CDK19: variants seen among roughly 807,000 people sequenced by gnomAD.
CDK19 encodes cyclin dependent kinase 19, also known as cyclin-dependent kinase 19.
In CDK19, 20 loss-of-function variants were observed where a neutral mutation model predicts 68.3. The ratio of observed to expected loss-of-function variants is 0.29; its 90% CI spans 0.21 to 0.43. CDK19 has a LOEUF of 0.43. Among genes scored for constraint, CDK19 ranks in the 20% least tolerant of loss-of-function variants. The probability of loss-of-function intolerance (pLI) is 1.00; values close to 1 mark genes in which losing one functional copy is unlikely to be tolerated. For synonymous variants in CDK19, 221 were observed against 222.8 expected, an observed-to-expected ratio of 0.99 and a Z score of 0.07; for missense variants, 339 against 623.5, an observed-to-expected ratio of 0.54 and a Z score of 4.86.
chr6:110,670,178 A>G (rs1770876954), intron 3 of CDK19, among the ~76,000 whole-genome samples: 2 of 148,056 alleles, frequency 1.4e-5, no homozygotes. Context: ...CCCCCGGGCC[A>G]AAAAAAGTAT....
At chr6:110,665,338 G>A (rs1184810680) in intron 4 of CDK19, among the ~76,000 whole-genome samples, 1 of 152,166 alleles carries the variant, frequency 6.6e-6, no homozygotes, top group African/African-American at 2.4e-5. Flanking sequence ...TCTGAATGTG[G>A]AGTGCAAAGA....
chr6:110,741,482 AT>A (rs1182483876), intron 2 of CDK19, among the ~76,000 whole-genome samples: 3 of 151,416 alleles, frequency 2.0e-5, no homozygotes, highest in Non-Finnish European at 2.9e-5. Flanking sequence ...AATAAAATAA[AT>A]TAAAAAAAAA....
In CDK19 at chr6:110,622,159, C is replaced by G; in HGVS notation, c.1039G>C (p.Ala347Pro). 1 of 1,602,502 alleles carries G rather than the reference C, an allele frequency of 6.2e-7. No homozygotes were observed. The highest frequency in any genetic ancestry group is 8.5e-7 in the Non-Finnish European group (1 of 1,171,300). The stretch of plus-strand genomic sequence containing the variant: ...TTGGGGTATGGAATCTGGCAGCCGG[C>G]AAATACACTAAAAATCATTAAAAAG... ...EDPLPTLDVF[A>P]GCQIPYPKRE... The change falls in exon 11 of 13, where the codon GCC (alanine) becomes CCC (proline). Residue 347 changes from alanine to proline, a missense_variant. Physicochemically the swap from Ala to Pro is conservative, Grantham distance 27. Coordinates refer to ENST00000368911, the MANE Select transcript of CDK19 (RefSeq NM_015076.5).
rs914320393 is a variant in CDK19, at chr6:110,612,780, T to C, written c.*1755A>G. Reference sequence around the variant, plus strand: ...CCTTCCAATGGAGCACGTAACCTGCTTCATCTTCAGTCTTGATGAGTGTCA... The same window carrying C: ...CCTTCCAATGGAGCACGTAACCTGCCTCATCTTCAGTCTTGATGAGTGTCA... On this transcript the variant is annotated 3_prime_UTR_variant, in exon 13 of 13. Transcript: ENST00000368911. 3.9e-5 allele frequency: 6 copies of C among 152,666 alleles called. No homozygotes were observed. Among genetic ancestry groups the C allele is most frequent in the African/African-American group, 1.4e-4 (6 of 41,462 alleles). 9.5% of individuals were successfully genotyped at this position (152,666 alleles called of 1,614,324 possible).
chr6:110,785,007 T>G (rs1781098300), intron 1 of CDK19, among the ~76,000 whole-genome samples: 1 of 149,932 alleles, frequency 6.7e-6, no homozygotes, highest in Non-Finnish European at 1.5e-5. Flanking sequence ...GGTGATGAAA[T>G]GTTCTAAAAT....
Position 110,614,224 on chromosome 6 carries a change from G to A in CDK19, c.*311C>T, listed in dbSNP as rs1021543653. ...TAGTGATTGCTACAGCATGAGAAAG[G>A]TGCACCAGGAAATCCTTCAAAGAAA... On this transcript the variant is annotated 3_prime_UTR_variant, in exon 13 of 13. Transcript: ENST00000368911. The A allele has an allele frequency of 5.2e-5, 12 of 231,506 alleles. No individual in the cohort carries two copies. Among genetic ancestry groups the A allele is most frequent in the Non-Finnish European group, 9.4e-5 (11 of 117,444 alleles). 14.3% of individuals were successfully genotyped at this position (231,506 alleles called of 1,614,324 possible).
intron 4 of CDK19, among the ~76,000 whole-genome samples, chr6:110,650,377 T>C (rs889856030): frequency 6.6e-6 from 1 of 152,132 alleles, no homozygotes; most frequent in Admixed American, 6.5e-5. Context: ...GGTTCTCTTA[T>C]GCATGCTACT....
chr6:110,707,937 A>G (rs1774645512), intron 2 of CDK19, among the ~76,000 whole-genome samples: 1 of 152,120 alleles, frequency 6.6e-6, no homozygotes, highest in Non-Finnish European at 1.5e-5. Context: ...ATGCCACTGC[A>G]CTCCAGCCTG....
At chr6:110,724,865 T>G (rs1308346664) in intron 2 of CDK19, among the ~76,000 whole-genome samples, 1 of 151,926 alleles carries the variant, frequency 6.6e-6, no homozygotes, top group Admixed American at 6.6e-5. Flanking sequence ...AACACCTAGG[T>G]GGAAAATGAA....
chr6:110,687,585 G>A (rs1023117831), intron 2 of CDK19, among the ~76,000 whole-genome samples: 1 of 152,164 alleles, frequency 6.6e-6, no homozygotes, highest in Non-Finnish European at 1.5e-5. Flanking sequence ...AACTGGGTAC[G>A]TGTTATGAGA....
At chr6:110,766,048 A>G (rs1046892999) in intron 1 of CDK19, among the ~76,000 whole-genome samples, 4 of 152,226 alleles carry the variant, frequency 2.6e-5, no homozygotes, top group Admixed American at 1.3e-4. Context: ...AACATTCCTC[A>G]AAAAACTGAA....
At chr6:110,629,321 T>G (rs1263938771) in intron 6 of CDK19, among the ~76,000 whole-genome samples, 1 of 152,182 alleles carries the variant, frequency 6.6e-6, no homozygotes, top group East Asian at 1.9e-4. Flanking sequence ...GTTTCTTTCC[T>G]CTATCAATGA....
intron 4 of CDK19, chr6:110,646,584 CG>C (rs1466084548): frequency 4.3e-6 from 3 of 701,558 alleles, no homozygotes; most frequent in Non-Finnish European, 4.2e-6. Flanking sequence ...GGGGGTCAAC[CG>C]GGCCAACGGC....
chr6:110,793,744 T>C (rs187671963), intron 1 of CDK19, among the ~76,000 whole-genome samples: 1 of 152,340 alleles, frequency 6.6e-6, no homozygotes, highest in African/African-American at 2.4e-5. Flanking sequence ...CAGTCTCTTT[T>C]GCCTTTCAGC....
intron 4 of CDK19, among the ~76,000 whole-genome samples, chr6:110,641,592 CAAA>C (rs773781094): frequency 3.5e-4 from 11 of 31,310 alleles, no homozygotes; most frequent in East Asian, 1.3e-3. Context: ...GAGACTCCAT[CAAA>C]AAAAAAAAAA....
intron 1 of CDK19, among the ~76,000 whole-genome samples, chr6:110,784,158 CAA>C (rs1170140844): frequency 1.3e-4 from 8 of 61,466 alleles, no homozygotes; most frequent in Non-Finnish European, 2.0e-4. Flanking sequence ...GACTTCGTCT[CAA>C]AAAAAAAAAA....
chr6:110,624,687 A>G (rs1778974568), intron 8 of CDK19, among the ~76,000 whole-genome samples: 1 of 152,198 alleles, frequency 6.6e-6, no homozygotes, highest in Non-Finnish European at 1.5e-5. Flanking sequence ...TTGTCAAATA[A>G]TCTTCAAACT....
chr6:110,719,223 C>T (rs762914978), intron 2 of CDK19, among the ~76,000 whole-genome samples: 1 of 152,160 alleles, frequency 6.6e-6, no homozygotes, highest in Non-Finnish European at 1.5e-5. Context: ...GTAGCCCATG[C>T]CTATAATCCT....
rs991771445 is a variant in CDK19, at chr6:110,741,169, A to G, written c.204+4957T>C. Among the ~76,000 whole-genome samples, 48 of 152,036 alleles carry G rather than the reference A, an allele frequency of 3.2e-4. 1 individual carries two copies. Among genetic ancestry groups the G allele is most frequent in the Non-Finnish European group, 3.2e-4 (22 of 68,002 alleles). On this transcript the variant is annotated intron_variant, in intron 2 of 12. Coordinates refer to ENST00000368911, the MANE Select transcript of CDK19 (RefSeq NM_015076.5). ...AGAAAGATTATGTGAAGAAATGATG[A>G]CTGTGGTGGGGTGCAGCGGTTCATA... is the stretch of plus-strand genomic sequence containing the variant.
Sources: gnomAD v4.1 joint callset for allele counts (sites outside exome capture counted in the v4.1 genomes callset) on GRCh38, gnomAD v4.1.1 for gene constraint, MANE v1.5 for transcripts, NCBI Gene and HGNC (gene_info 2026-07-23, HGNC 2026-07-21) for gene names.